The following SCAF11 variants were observed in gnomAD, a reference collection of about 807,000 sequenced individuals.
SCAF11 encodes protein SCAF11.
A neutral mutation model predicts 140.5 loss-of-function variants in SCAF11; 47 were observed. The ratio of observed to expected loss-of-function variants is 0.33; its 90% CI spans 0.26 to 0.43. The LOEUF is 0.43. Ranked by LOEUF, SCAF11 falls within the 20% of genes least tolerant of loss-of-function variation. SCAF11 has a pLI of 1.00. For missense variants in SCAF11, 1,645 were observed against 1,705.1 expected, an observed-to-expected ratio of 0.96 and a Z score of 0.62; for synonymous variants, 557 against 579.4, an observed-to-expected ratio of 0.96 and a Z score of 0.55.
At chr12:45,924,191 T>A (rs1944787270) in intron 12 of SCAF11, among the ~76,000 whole-genome samples, 1 of 152,166 alleles carries the variant, frequency 6.6e-6, no homozygotes, top group East Asian at 1.9e-4. Context: ...AGCAACAAAT[T>A]GTTTGCAAAT....
intron 1 of SCAF11, chr12:45,974,376 ACTCCTTTC>A: frequency 2.8e-6 from 1 of 355,862 alleles, no homozygotes; most frequent in Non-Finnish European, 5.6e-6. Flanking sequence ...CCACACTGAC[ACTCCTTTC>A]ACAAAAAATT....
At position 45,933,187 on chromosome 12, in the gene SCAF11, C is replaced by T. The variant is rs1468684172; in HGVS notation, c.678G>A (p.Gln226=). 4 of 1,611,986 alleles carry T rather than the reference C, an allele frequency of 2.5e-6. No homozygotes were observed. The Admixed American group carries it at 5.0e-5, about 20-fold the overall frequency. The part of the protein sequence containing the change: ...EASEISALIR[Q]KRHELELSWF... ...ATGACAATTCCAGTTCATGTCTCTTCTGCCTAATCAATGCACTGATTTCAC... is the reference window on the plus strand; with the variant it reads ...ATGACAATTCCAGTTCATGTCTCTTTTGCCTAATCAATGCACTGATTTCAC... Residue 226 remains glutamine (Q), a synonymous_variant, in exon 9 of 15, where the codon CAG becomes CAA. Transcript: ENST00000369367.
In SCAF11 at chr12:45,961,564, GAAT is replaced by G. The variant is rs1214461528; in HGVS notation, c.219+133_219+135del. ...TAGAAGAAAATGACTGACAGAATTT[GAAT>G]AATACAAGGAAATTTGTCCAAAGTA... On this transcript the variant is annotated intron_variant, in intron 3 of 14. Coordinates refer to ENST00000369367, the MANE Select transcript of SCAF11 (RefSeq NM_004719.3). 7 of 718,524 alleles carry G rather than the reference GAAT, an allele frequency of 9.7e-6. No individual in the cohort carries two copies. The Admixed American group carries it at 1.3e-4, about 14-fold the overall frequency. 44.5% of individuals were successfully genotyped at this position (718,524 alleles called of 1,614,324 possible). A position where few individuals can be genotyped will look rare whatever the true frequency, so the allele number is the denominator to read the frequency against.
chr12:45,949,309 T>A (rs1037103730), intron 4 of SCAF11, among the ~76,000 whole-genome samples: 1 of 152,098 alleles, frequency 6.6e-6, no homozygotes, highest in African/African-American at 2.4e-5. Flanking sequence ...GCCGCAAGTA[T>A]AAAATAGACA....
intron 4 of SCAF11, among the ~76,000 whole-genome samples, chr12:45,950,355 A>G (rs1945522070): frequency 1.3e-5 from 2 of 152,328 alleles, no homozygotes; most frequent in Non-Finnish European, 2.9e-5. Flanking sequence ...AATGTGGAAG[A>G]TATCTCATGT....
chr12:45,991,553 C>A (rs1359258843), upstream of SCAF11, among the ~76,000 whole-genome samples: 1 of 152,134 alleles, frequency 6.6e-6, no homozygotes, highest in Non-Finnish European at 1.5e-5. Flanking sequence ...CAGAGCGAGA[C>A]CCTGTCTCAA....
chr12:45,982,505 G>A lies in SCAF11; in HGVS notation c.-22+7848C>T, dbSNP rs530124246. On this transcript the variant is annotated intron_variant, in intron 1 of 14. Coordinates refer to ENST00000369367, the MANE Select transcript of SCAF11 (RefSeq NM_004719.3). Reference sequence around the variant, plus strand: ...GCAGATCACTTGAGGTCAGGAGTTCGAGATCAGCCTGACCAACATGGTGAA... The same window carrying A: ...GCAGATCACTTGAGGTCAGGAGTTCAAGATCAGCCTGACCAACATGGTGAA... Among the ~76,000 whole-genome samples, 80 of 152,242 alleles carry A rather than the reference G, an allele frequency of 5.3e-4. No individual in the cohort carries two copies. In the Middle Eastern group the frequency reaches 0.017, roughly 32 times the overall value.
chr12:45,936,998 CTCTCT>C (rs957492813), intron 6 of SCAF11, among the ~76,000 whole-genome samples: 16 of 152,260 alleles, frequency 1.1e-4, no homozygotes, highest in African/African-American at 3.9e-4. Flanking sequence ...TTTTTACTCT[CTCTCT>C]TGTCATCCTC....
At chr12:45,991,743 G>T, upstream of SCAF11, 4 of 427,716 alleles carry the variant, frequency 9.4e-6, no homozygotes, top group South Asian at 6.1e-5. Context: ...TTCTCTTCTC[G>T]TCGACTGCAG....
At chr12:45,991,984 G>C (rs532870660), upstream of SCAF11, 55 of 1,289,012 alleles carry the variant, frequency 4.3e-5, no homozygotes, top group African/African-American at 8.2e-4. Flanking sequence ...CCTGACGCCT[G>C]CCCGGGATGA....
upstream of SCAF11, chr12:45,991,862 TC>T (rs1565701179): frequency 7.8e-7 from 1 of 1,282,272 alleles, no homozygotes. Context: ...AGGACTAAGC[TC>T]TGCTCCCCGC....
rs1303060828 is a variant in SCAF11 at position 45,920,107 on chromosome 12, A to C, written c.*1941T>G. On this transcript the variant is annotated 3_prime_UTR_variant, in exon 15 of 15. Coordinates refer to ENST00000369367, the MANE Select transcript of SCAF11 (RefSeq NM_004719.3). ...AATTTCTTTACCATAATCTAAACGC[A>C]AACTTTAAAAATATATACCAGTAGA... is the stretch of plus-strand genomic sequence containing the variant. The C allele has an allele frequency of 6.6e-6, 1 of 152,218 alleles. No individual in the cohort carries two copies. The highest frequency in any genetic ancestry group is 2.4e-5 in the African/African-American group (1 of 41,464). 9.4% of individuals were successfully genotyped at this position (152,218 alleles called of 1,614,324 possible). A position where few individuals can be genotyped will look rare whatever the true frequency, so the allele number is the denominator to read the frequency against.
rs539556365 is a variant in SCAF11, at chr12:45,921,251, G to A, written c.*797C>T. 2.6e-5 allele frequency: 4 copies of A among 152,668 alleles called. No individual in the cohort carries two copies. Among genetic ancestry groups the A allele is most frequent in the African/African-American group, 9.6e-5 (4 of 41,538 alleles). The allele number at this position is 152,668 out of a possible 1,614,324, so 9.5% of individuals were successfully genotyped here. ...GCCACCTCGGCCTCCCAAAGTGCTG[G>A]GATTACAGGCGTGAGCCATCATGCC... On this transcript the variant is annotated 3_prime_UTR_variant, in exon 15 of 15. Transcript: ENST00000369367.
At chr12:45,929,828 C>T (rs1944998267) in intron 10 of SCAF11, 1 of 152,106 alleles carries the variant, frequency 6.6e-6, no homozygotes, top group Non-Finnish European at 1.5e-5. Flanking sequence ...TTAGTGAGAA[C>T]ACTTTACGTC....
rs775499255 is a variant in SCAF11, at chr12:45,961,842, T to C, written c.77A>G (p.Asp26Gly). ...CAACAGACCAGTGGAAATAGTATTA[T>C]CTCCGTTTTCTTCACCTGTTAAAGT... is the stretch of plus-strand genomic sequence containing the variant. ...YEDMEGEENG[D>G]NTISTGLLYS... Residue 26 changes from aspartate to glycine, a missense_variant, in exon 3 of 15, where the codon GAT becomes GGT. Transcript: ENST00000369367. The C allele has an allele frequency of 1.8e-5, 29 of 1,601,230 alleles. No homozygotes were observed. In the Admixed American group the frequency reaches 2.4e-4, roughly 13 times the overall value.
intron 14 of SCAF11, 81 bp from the exon 15 acceptor site, chr12:45,922,275 A>C: frequency 6.7e-7 from 1 of 1,494,242 alleles, no homozygotes; most frequent in South Asian, 1.3e-5. Flanking sequence ...GTGAAAAACA[A>C]CCCCAAAGAG....
rs766525968 is a variant in SCAF11 at position 45,927,704 on chromosome 12, T to C, written c.1997A>G (p.Asn666Ser). 1.9e-6 allele frequency: 3 copies of C among 1,612,162 alleles called. No homozygotes were observed. Among genetic ancestry groups the C allele is most frequent in the Admixed American group, 1.7e-5 (1 of 59,942 alleles). ...DFNNIQDSEN[N>S]LLKNNLLNTK... ...GTTCAGAAGATTATTTTTTAGTAAG[T>C]TATTTTCAGAGTCTTGAATATTATT... The change falls in exon 11 of 15, where the codon AAC becomes AGC. Residue 666 changes from asparagine (N) to serine (S), a missense_variant. By Grantham distance (46) the Asn-to-Ser change is conservative. Coordinates refer to ENST00000369367, the MANE Select transcript of SCAF11 (RefSeq NM_004719.3).
chr12:45,923,182 T>C lies in SCAF11; in HGVS notation c.3907-28A>G, dbSNP rs1944756949. 4 of 1,575,582 alleles carry C rather than the reference T, an allele frequency of 2.5e-6. No homozygotes were observed. The South Asian group carries it at 4.4e-5, about 17-fold the overall frequency. On this transcript the variant is annotated intron_variant, in intron 12 of 14. Coordinates refer to ENST00000369367, the MANE Select transcript of SCAF11 (RefSeq NM_004719.3). ...GTTTTAAAGAGTTATCATCAGTTAATGAATTACTTGTACTCGATAGAAGTC... is the reference window on the plus strand; with the variant it reads ...GTTTTAAAGAGTTATCATCAGTTAACGAATTACTTGTACTCGATAGAAGTC...
intron 9 of SCAF11, among the ~76,000 whole-genome samples, chr12:45,932,648 A>G (rs1023652180): frequency 3.9e-5 from 6 of 152,206 alleles, no homozygotes; most frequent in Non-Finnish European, 7.4e-5. Context: ...ATCTAGCACC[A>G]TCTTAGTAGC....
Sources: allele counts gnomAD v4.1 joint callset (sites outside exome capture counted in the v4.1 genomes callset), GRCh38; gene constraint gnomAD v4.1.1; transcripts MANE v1.5; gene names NCBI Gene and HGNC (gene_info 2026-07-23, HGNC 2026-07-21).